MCTP1: variants seen among roughly 807,000 people sequenced by gnomAD.
MCTP1 encodes the protein multiple C2 and transmembrane domain-containing protein 1.
In MCTP1, 69 loss-of-function variants were observed where a neutral mutation model predicts 120.6. The observed-to-expected ratio is 0.57, with a 90% confidence interval of 0.47 to 0.70. The LOEUF is 0.70. MCTP1 is among the 30% of genes least tolerant of loss of function. MCTP1 has a pLI of 0.00. For synonymous variants in MCTP1, 529 were observed against 493.1 expected (o/e 1.07, Z -0.96); for missense variants, 1,203 against 1,248.8 (o/e 0.96, Z 0.55).
chr5:94,995,384 T>C (rs962609604), intron 2 of MCTP1, among the ~76,000 whole-genome samples: 1 of 152,164 alleles, frequency 6.6e-6, no homozygotes, highest in Non-Finnish European at 1.5e-5. Flanking sequence ...ACCCCTTTTC[T>C]TAGTGCTTTT....
chr5:95,206,816 G>A (rs574926952), intron 1 of MCTP1, among the ~76,000 whole-genome samples: 5 of 152,280 alleles, frequency 3.3e-5, no homozygotes, highest in African/African-American at 4.8e-5. Context: ...GATTAAAGGC[G>A]TGAGCCACCA....
chr5:94,893,791 C>G (rs1803237568), intron 11 of MCTP1, among the ~76,000 whole-genome samples: 1 of 152,156 alleles, frequency 6.6e-6, no homozygotes. Context: ...TTTGTTAGAG[C>G]TTGGTTTCAT....
intron 19 of MCTP1, among the ~76,000 whole-genome samples, chr5:94,777,150 G>A (rs962197608): frequency 1.3e-5 from 2 of 152,068 alleles, no homozygotes; most frequent in African/African-American, 4.8e-5. Context: ...ACTGCTTGTC[G>A]GCATCCTGTA....
At chr5:95,036,495 A>G (rs1841323157) in intron 1 of MCTP1, among the ~76,000 whole-genome samples, 1 of 152,186 alleles carries the variant, frequency 6.6e-6, no homozygotes, top group South Asian at 2.1e-4. Flanking sequence ...TTAAGCACAT[A>G]GCTCTACTTC....
chr5:95,155,257 C>A (rs527287724), intron 1 of MCTP1, among the ~76,000 whole-genome samples: 2 of 152,018 alleles, frequency 1.3e-5, no homozygotes, highest in East Asian at 3.9e-4. Flanking sequence ...AAATTACAGG[C>A]ATATAGTAGA....
At chr5:95,219,011 T>C (rs1753354663) in intron 1 of MCTP1, among the ~76,000 whole-genome samples, 1 of 152,222 alleles carries the variant, frequency 6.6e-6, no homozygotes, top group Non-Finnish European at 1.5e-5. Context: ...ATCTGGTTTT[T>C]CATCCTATTC....
intron 2 of MCTP1, among the ~76,000 whole-genome samples, chr5:94,975,096 A>G (rs988161874): frequency 2.0e-5 from 3 of 152,052 alleles, no homozygotes; most frequent in African/African-American, 7.2e-5. Context: ...AGAATGGATC[A>G]GGGAAGGTGT....
chr5:95,162,048 T>C (rs1745799910), intron 1 of MCTP1, among the ~76,000 whole-genome samples: 1 of 152,166 alleles, frequency 6.6e-6, no homozygotes, highest in Non-Finnish European at 1.5e-5. Context: ...GCTCCAAGCA[T>C]TTAGAATTAG....
At chr5:95,119,037 C>T (rs1338190070) in intron 1 of MCTP1, among the ~76,000 whole-genome samples, 1 of 152,168 alleles carries the variant, frequency 6.6e-6, no homozygotes, top group East Asian at 1.9e-4. Context: ...ACACATGGAC[C>T]TACCAGATAT....
At chr5:95,258,510 G>A (rs905976566) in intron 1 of MCTP1, among the ~76,000 whole-genome samples, 2 of 152,100 alleles carry the variant, frequency 1.3e-5, no homozygotes, top group African/African-American at 4.8e-5. Context: ...TCTTAGATAG[G>A]ATACTGAAAC....
chr5:95,226,557 C>G (rs1347154627), intron 1 of MCTP1, among the ~76,000 whole-genome samples: 1 of 152,090 alleles, frequency 6.6e-6, no homozygotes. Context: ...GTCAACTAAG[C>G]TCTCTGTCAC....
At chr5:94,794,443 T>G (rs1260804381) in intron 18 of MCTP1, among the ~76,000 whole-genome samples, 1 of 152,194 alleles carries the variant, frequency 6.6e-6, no homozygotes, top group Non-Finnish European at 1.5e-5. Flanking sequence ...AGGTTACTGG[T>G]TACCTTACAG....
intron 1 of MCTP1, among the ~76,000 whole-genome samples, chr5:95,166,569 T>C (rs553355903): frequency 0.021 from 290 of 13,668 alleles, 3 homozygotes; most frequent in Middle Eastern, 0.1. Context: ...ATTTTAATCA[T>C]TTTTTTTTTT....
intron 1 of MCTP1, among the ~76,000 whole-genome samples, chr5:95,035,171 A>T (rs951130751): frequency 6.6e-6 from 1 of 152,090 alleles, no homozygotes; most frequent in Non-Finnish European, 1.5e-5. Flanking sequence ...GAAATTTCTC[A>T]AAGAACTAAA....
In MCTP1 at chr5:94,950,902, G is replaced by A. The variant is rs572588388; in HGVS notation, c.981+2317C>T. Among the ~76,000 whole-genome samples, 199 of 150,058 alleles carry A rather than the reference G, an allele frequency of 1.3e-3. 2 individuals carry two copies. The highest frequency in any genetic ancestry group is 4.6e-3 in the African/African-American group (188 of 40,830). ...GCGGAGCTTGCAGTGAGCCGAGATC[G>A]TGCCACTGCACTCCAGCCTGGGCGA... On this transcript the variant is annotated intron_variant, in intron 3 of 22. Coordinates refer to ENST00000515393, the MANE Select transcript of MCTP1 (RefSeq NM_024717.7).
intron 6 of MCTP1, chr5:94,931,633 G>A (rs1429568918): frequency 3.7e-6 from 1 of 267,430 alleles, no homozygotes; most frequent in South Asian, 1.4e-4. Context: ...TCTGTCTGGA[G>A]TTGTCCCTCC....
rs1186880200 is a variant in MCTP1, at chr5:95,284,137, G to C, written c.439C>G (p.Pro147Ala). ...GAGTCGGGGGAGCGTCCGCCAGGAG[G>C]CGTCCCTCCCGCTGCTCCCGAGGCC... Reference protein sequence around the residue: ...AAASGAAGGTPPGGRSPDSAP... With the variant: ...AAASGAAGGTAPGGRSPDSAP... Residue 147 changes from proline (P) to alanine (A), a missense_variant, in exon 1 of 23, where the codon CCT becomes GCT. Around this residue, in one of 2 missense-constraint regions of MCTP1, gnomAD observed 463 missense variants for 377.8 expected, o/e 1.23. Transcript: ENST00000515393. This position sits in a 1 kb window ranked among gnomAD's most constrained non-coding sequence, Gnocchi z 5.2. 1.9e-6 allele frequency: 3 copies of C among 1,554,478 alleles called. No individual in the cohort carries two copies. The highest frequency in any genetic ancestry group is 2.6e-6 in the Non-Finnish European group (3 of 1,149,430).
chr5:94,986,858 A>G (rs1223646693), intron 2 of MCTP1, among the ~76,000 whole-genome samples: 1 of 152,130 alleles, frequency 6.6e-6, no homozygotes, highest in African/African-American at 2.4e-5. Flanking sequence ...TAACATGTCC[A>G]GTCCTCCCTT....
chr5:95,216,086 A>G (rs1753003559), intron 1 of MCTP1, among the ~76,000 whole-genome samples: 2 of 152,256 alleles, frequency 1.3e-5, no homozygotes, highest in Admixed American at 6.5e-5. Flanking sequence ...AACATATTAT[A>G]AATAAATTAA....
Sources: allele counts gnomAD v4.1 joint callset (sites outside exome capture counted in the v4.1 genomes callset), GRCh38; gene constraint gnomAD v4.1.1; regional missense constraint gnomAD v4.1.1; non-coding constraint Gnocchi (gnomAD v3.1); transcripts MANE v1.5; gene names NCBI Gene and HGNC (gene_info 2026-07-23, HGNC 2026-07-21).